BACE2: variants seen among roughly 807,000 people sequenced by gnomAD.
BACE2 encodes beta-secretase 2, also known as 56 kDa aspartic-like protease.
Under a neutral mutation model 46.2 loss-of-function variants are expected in BACE2, and 17 were observed. The observed-to-expected ratio is 0.37, with a 90% CI of 0.25 to 0.55. The LOEUF (loss-of-function observed/expected upper bound fraction) is 0.55. Ranked by LOEUF, BACE2 falls within the 20% of genes least tolerant of loss-of-function variation. The pLI is 0.82. For synonymous variants in BACE2, 277 were observed against 295.9 expected, an observed-to-expected ratio of 0.94 and a Z score of 0.66; for missense variants, 595 against 698.1, an observed-to-expected ratio of 0.85 and a Z score of 1.66.
At chr21:41,241,796 C>A (rs200044817) in intron 3 of BACE2, 23 bp from the exon 4 acceptor site, 784 of 1,613,682 alleles carry the variant, frequency 4.9e-4, no homozygotes, top group Non-Finnish European at 6.2e-4. Flanking sequence ...AAGCGGGTGC[C>A]CCTCTCTGTC....
At chr21:41,188,329 A>G (rs879420507) in intron 1 of BACE2, among the ~76,000 whole-genome samples, 27 of 152,196 alleles carry the variant, frequency 1.8e-4, no homozygotes, top group Non-Finnish European at 4.0e-4. Flanking sequence ...GAGGCTAAGT[A>G]GAGAATTGAA....
At chr21:41,274,966 C>A (rs1193663315) in intron 8 of BACE2, among the ~76,000 whole-genome samples, 2 of 152,174 alleles carry the variant, frequency 1.3e-5, no homozygotes, top group Non-Finnish European at 2.9e-5. Context: ...GCGGTAAATT[C>A]TCCTTCTCTT....
At chr21:41,239,712 A>G (rs193250515) in intron 3 of BACE2, among the ~76,000 whole-genome samples, 256 of 152,324 alleles carry the variant, frequency 1.7e-3, no homozygotes, top group African/African-American at 5.8e-3. Context: ...GGGATTGAGG[A>G]TCAGTGAGCT....
intron 2 of BACE2, among the ~76,000 whole-genome samples, chr21:41,231,160 C>A (rs1345325674): frequency 6.6e-6 from 1 of 152,228 alleles, no homozygotes; most frequent in Non-Finnish European, 1.5e-5. Flanking sequence ...TTATTGAGAT[C>A]ATTTCTCAAG....
chr21:41,264,054 A>C (rs1341540662), intron 8 of BACE2, among the ~76,000 whole-genome samples: 3 of 152,036 alleles, frequency 2.0e-5, no homozygotes, highest in Non-Finnish European at 2.9e-5. Flanking sequence ...TCTTTGCTGC[A>C]TTCTGTGTAA....
rs533895052 is a variant in BACE2, at chr21:41,208,136, A to C, written c.313-18130A>C. 4.6e-5 allele frequency among the ~76,000 whole-genome samples: 7 copies of C among 152,334 alleles called. No homozygotes were observed. In the East Asian group the frequency reaches 1.4e-3, roughly 29 times the overall value. Reference sequence around the variant, plus strand: ...CTTAGGATGTTAAGTGGAACAAACCAAGTCACGACCCACATGTAAGAATGT... The same window carrying C: ...CTTAGGATGTTAAGTGGAACAAACCCAGTCACGACCCACATGTAAGAATGT... On this transcript the variant is annotated intron_variant, in intron 1 of 8. Coordinates refer to ENST00000330333, the MANE Select transcript of BACE2 (RefSeq NM_012105.5).
At chr21:41,250,500 T>C (rs1179971919) in intron 6 of BACE2, among the ~76,000 whole-genome samples, 3 of 152,226 alleles carry the variant, frequency 2.0e-5, no homozygotes, top group African/African-American at 7.2e-5. Flanking sequence ...GAAGTAATTA[T>C]TGCTGCAAAG....
intron 1 of BACE2, chr21:41,175,439 G>A (rs534814415): frequency 1.3e-5 from 2 of 152,222 alleles, no homozygotes; most frequent in African/African-American, 4.8e-5. Flanking sequence ...GTGGCAGGGG[G>A]AGAATTTACA....
At chr21:41,192,213 C>CTAGT (rs973442512) in intron 1 of BACE2, among the ~76,000 whole-genome samples, 3 of 152,202 alleles carry the variant, frequency 2.0e-5, no homozygotes, top group Non-Finnish European at 4.4e-5. Context: ...GAACCAAGTC[C>CTAGT]TAGTCTTCTC....
chr21:41,214,503 A>G (rs1228246877), intron 1 of BACE2, among the ~76,000 whole-genome samples: 1 of 152,328 alleles, frequency 6.6e-6, no homozygotes, highest in East Asian at 1.9e-4. Context: ...AACAGTTTTC[A>G]TCGTGGGGGC....
intron 2 of BACE2, among the ~76,000 whole-genome samples, chr21:41,233,711 A>G (rs1651046496): frequency 6.6e-6 from 1 of 152,258 alleles, no homozygotes; most frequent in African/African-American, 2.4e-5. Flanking sequence ...CTGTAATCCC[A>G]GCACTTTGGG....
intron 1 of BACE2, among the ~76,000 whole-genome samples, chr21:41,200,191 A>T (rs866340421): frequency 2.2e-5 from 3 of 135,912 alleles, no homozygotes; most frequent in East Asian, 2.0e-4. Context: ...AAGTATAATT[A>T]AAAAAAAAAA....
chr21:41,269,726 C>A (rs2088416195), intron 8 of BACE2, among the ~76,000 whole-genome samples: 1 of 152,226 alleles, frequency 6.6e-6, no homozygotes, highest in Non-Finnish European at 1.5e-5. Flanking sequence ...TATCCCCATA[C>A]ACCTGTTGAT....
At chr21:41,246,741 G>C (rs1487761952) in intron 6 of BACE2, among the ~76,000 whole-genome samples, 1 of 152,168 alleles carries the variant, frequency 6.6e-6, no homozygotes, top group East Asian at 1.9e-4. Flanking sequence ...TCAGTTCAGG[G>C]CAATAAACAT....
chr21:41,262,763 C>T (rs1048780028), intron 8 of BACE2, among the ~76,000 whole-genome samples: 2 of 152,008 alleles, frequency 1.3e-5, no homozygotes, highest in African/African-American at 4.8e-5. Flanking sequence ...TAGTTCTTAC[C>T]ACAAATGAGA....
Position 41,278,387 on chromosome 21 carries a change from G to A in BACE2, c.*2763G>A, listed in dbSNP as rs368348263. On this transcript the variant is annotated 3_prime_UTR_variant, in exon 9 of 9. Coordinates refer to ENST00000330333, the MANE Select transcript of BACE2 (RefSeq NM_012105.5). ...AAAGAGCCACAAGTGATTGGTGTCC[G>A]ATCTCCCAGCATATACTGTACACTA... The A allele has an allele frequency of 5.9e-5, 9 of 152,148 alleles. No homozygotes were observed. Among genetic ancestry groups the A allele is most frequent in the African/African-American group, 2.2e-4 (9 of 41,434 alleles). The allele number at this position is 152,148 out of a possible 1,614,324, so 9.4% of individuals were successfully genotyped here.
At chr21:41,174,421 G>A (rs1455708548) in intron 1 of BACE2, among the ~76,000 whole-genome samples, 1 of 151,990 alleles carries the variant, frequency 6.6e-6, no homozygotes, top group East Asian at 1.9e-4. Flanking sequence ...GATTACAGGC[G>A]TGAGCCACCG....
chr21:41,251,334 C>A (rs1232533892), intron 7 of BACE2, among the ~76,000 whole-genome samples: 2 of 152,236 alleles, frequency 1.3e-5, no homozygotes, highest in Non-Finnish European at 2.9e-5. Flanking sequence ...GCTGCCCAAA[C>A]AAGCCCAAGG....
intron 5 of BACE2, among the ~76,000 whole-genome samples, chr21:41,245,552 G>A (rs1987441200): frequency 6.6e-6 from 1 of 152,236 alleles, no homozygotes; most frequent in Non-Finnish European, 1.5e-5. Flanking sequence ...AGGTCATAGA[G>A]AATTGATTTG....
Sources: gnomAD v4.1 joint callset for allele counts (sites outside exome capture counted in the v4.1 genomes callset) on GRCh38, gnomAD v4.1.1 for gene constraint, MANE v1.5 for transcripts, NCBI Gene and HGNC (gene_info 2026-07-23, HGNC 2026-07-21) for gene names.